Variants in SPAG16 observed in about 807,000 individuals in gnomAD.
SPAG16 encodes the protein sperm associated antigen 16.
A neutral mutation model predicts 80.4 loss-of-function variants in SPAG16; 86 were observed. The observed-to-expected ratio is 1.07, with a 90% CI of 0.90 to 1.28. The LOEUF is 1.28. SPAG16 is among the 50% of genes most tolerant of loss of function. The probability of loss-of-function intolerance (pLI) is 0.00; values close to 1 mark genes in which losing one functional copy is unlikely to be tolerated. For synonymous variants in SPAG16, 294 were observed against 265.9 expected (o/e 1.11, Z -1.03); for missense variants, 870 against 765.3 (o/e 1.14, Z -1.61).
At chr2:214,382,239 C>T (rs1457216751) in intron 15 of SPAG16, among the ~76,000 whole-genome samples, 2 of 152,204 alleles carry the variant, frequency 1.3e-5, no homozygotes, top group East Asian at 3.8e-4. Context: ...GTCTAACCTG[C>T]TTCATGTTTG....
At chr2:214,017,641 T>C (rs1476330719) in intron 13 of SPAG16, among the ~76,000 whole-genome samples, 1 of 152,196 alleles carries the variant, frequency 6.6e-6, no homozygotes, top group Non-Finnish European at 1.5e-5. Context: ...CCTGAGGTTC[T>C]GAGCTCTTTC....
At chr2:214,215,370 G>T (rs1394882251) in intron 15 of SPAG16, among the ~76,000 whole-genome samples, 5 of 152,032 alleles carry the variant, frequency 3.3e-5, no homozygotes, top group Admixed American at 2.6e-4. Context: ...CCTCACGGAA[G>T]ATATTCTCCA....
chr2:213,942,920 G>A (rs116605657), intron 12 of SPAG16, among the ~76,000 whole-genome samples: 1,863 of 152,206 alleles, frequency 0.012, 33 homozygotes, highest in African/African-American at 0.042. Context: ...GAATTAATTA[G>A]GTCATGAAGG....
At position 214,232,144 on chromosome 2, in the gene SPAG16, T is replaced by G. The variant is rs548897929; in HGVS notation, c.1720+82878T>G. 5.9e-5 allele frequency among the ~76,000 whole-genome samples: 9 copies of G among 152,082 alleles called. No individual in the cohort carries two copies. The East Asian group carries it at 1.7e-3, about 29-fold the overall frequency. On this transcript the variant is annotated intron_variant, in intron 15 of 15. Transcript: ENST00000331683. The stretch of plus-strand genomic sequence containing the variant: ...TGTTACATAAATCTTTAAATACACT[T>G]TCTTATTCTTGCAGTCATAGTTAAG...
At chr2:213,643,851 G>A (rs112823370) in intron 10 of SPAG16, among the ~76,000 whole-genome samples, 3,636 of 133,290 alleles carry the variant, frequency 0.027, 62 homozygotes, top group African/African-American at 0.051. Flanking sequence ...TGCAATCTTG[G>A]CTCACTGCAA....
intron 5 of SPAG16, among the ~76,000 whole-genome samples, chr2:213,331,347 A>G (rs2064097456): frequency 1.3e-5 from 2 of 152,250 alleles, no homozygotes; most frequent in Non-Finnish European, 1.5e-5. Context: ...CGTCATAAGA[A>G]TGTCATTATT....
intron 10 of SPAG16, among the ~76,000 whole-genome samples, chr2:213,570,122 CTCT>C (rs1469576314): frequency 2.2e-5 from 2 of 90,444 alleles, no homozygotes; most frequent in African/African-American, 1.2e-4. Flanking sequence ...TGATTCTTCT[CTCT>C]TTTTTTCTTT....
rs2048522208 is a variant in SPAG16 at position 214,033,360 on chromosome 2, C to G, written c.1527+19283C>G. 2.0e-5 allele frequency among the ~76,000 whole-genome samples: 3 copies of G among 152,048 alleles called. No individual in the cohort carries two copies. In the South Asian group the frequency reaches 6.2e-4, roughly 32 times the overall value. On this transcript the variant is annotated intron_variant, in intron 13 of 15. Transcript: ENST00000331683. ...ATTTCAGTACAGTGTGAAAAGGGCA[C>G]TGGGTTTTTGGCAGAGTTAGATGCA...
intron 10 of SPAG16, among the ~76,000 whole-genome samples, chr2:213,846,352 A>C (rs2074626483): frequency 6.6e-6 from 1 of 151,982 alleles, no homozygotes; most frequent in Non-Finnish European, 1.5e-5. Context: ...TCCCTGCTGA[A>C]ATTACCTGCC....
chr2:213,934,437 A>G (rs1269039711), intron 12 of SPAG16, among the ~76,000 whole-genome samples: 1 of 152,186 alleles, frequency 6.6e-6, no homozygotes, highest in African/African-American at 2.4e-5. Context: ...ATGAACTGTG[A>G]GACATGCAGT....
intron 9 of SPAG16, among the ~76,000 whole-genome samples, chr2:213,390,950 C>G (rs989167980): frequency 6.6e-6 from 1 of 152,030 alleles, no homozygotes; most frequent in Non-Finnish European, 1.5e-5. Context: ...CATTTTTGCC[C>G]ATTTATTTTA....
At chr2:213,803,321 G>T (rs1327409298) in intron 10 of SPAG16, among the ~76,000 whole-genome samples, 1 of 152,136 alleles carries the variant, frequency 6.6e-6, no homozygotes, top group East Asian at 1.9e-4. Context: ...TGTAATGAGA[G>T]AATAATGAGG....
chr2:214,154,728 T>C (rs1275725132), intron 15 of SPAG16, among the ~76,000 whole-genome samples: 2 of 152,114 alleles, frequency 1.3e-5, no homozygotes, highest in Non-Finnish European at 2.9e-5. Flanking sequence ...ACTAGCAAAA[T>C]GATCCTGACA....
At chr2:213,564,909 T>C (rs61614177) in intron 10 of SPAG16, among the ~76,000 whole-genome samples, 13,191 of 152,234 alleles carry the variant, frequency 0.087, 1,432 homozygotes, top group African/African-American at 0.25. Flanking sequence ...GTAGTCTGGC[T>C]CCTGAGCCTG....
At chr2:213,900,083 C>A (rs973706388) in intron 11 of SPAG16, among the ~76,000 whole-genome samples, 4 of 152,106 alleles carry the variant, frequency 2.6e-5, no homozygotes, top group Non-Finnish European at 5.9e-5. Flanking sequence ...CAAATCAATC[C>A]TCCTTAGACT....
At chr2:214,406,116 A>T (rs1163185817) in intron 15 of SPAG16, among the ~76,000 whole-genome samples, 1 of 152,240 alleles carries the variant, frequency 6.6e-6, no homozygotes, top group Non-Finnish European at 1.5e-5. Flanking sequence ...CATAAAAAAA[A>T]TTGCAATAAT....
chr2:214,085,894 G>A (rs978749627), intron 13 of SPAG16, among the ~76,000 whole-genome samples: 1 of 152,144 alleles, frequency 6.6e-6, no homozygotes, highest in Non-Finnish European at 1.5e-5. Context: ...CGTGGCAGAA[G>A]CTTTTCCTCC....
chr2:214,349,128 C>T (rs1912212), intron 15 of SPAG16, among the ~76,000 whole-genome samples: 2 of 151,976 alleles, frequency 1.3e-5, no homozygotes, highest in Non-Finnish European at 2.9e-5. Context: ...TTGCATGGCA[C>T]CTACCTGCAG....
intron 10 of SPAG16, among the ~76,000 whole-genome samples, chr2:213,635,011 T>C (rs1215160380): frequency 1.3e-5 from 2 of 151,878 alleles, no homozygotes; most frequent in African/African-American, 4.8e-5. Flanking sequence ...TTTATGTGCA[T>C]TGGGCTGGTT....
Sources: gnomAD v4.1 joint callset for allele counts (sites outside exome capture counted in the v4.1 genomes callset) on GRCh38, gnomAD v4.1.1 for gene constraint, MANE v1.5 for transcripts, NCBI Gene and HGNC (gene_info 2026-07-23, HGNC 2026-07-21) for gene names.